MTREX: variants seen among roughly 807,000 people sequenced by gnomAD.
MTREX encodes exosome RNA helicase MTR4.
A neutral mutation model predicts 135.4 loss-of-function variants in MTREX; 76 were observed. The observed-to-expected ratio is 0.56, with a 90% CI of 0.47 to 0.68. The LOEUF is 0.68. Ranked by LOEUF, MTREX falls within the 30% of genes least tolerant of loss-of-function variation. The pLI is 0.00. For synonymous variants in MTREX, 404 were observed against 401.6 expected (o/e 1.01, Z -0.07); for missense variants, 920 against 1,262.1 (o/e 0.73, Z 4.11).
Position 55,422,863 on chromosome 5 carries a change from TC to T in MTREX, c.2972-13del, listed in dbSNP as rs1228458358. 3.7e-6 allele frequency: 6 copies of T among 1,602,676 alleles called. No individual in the cohort carries two copies. Among genetic ancestry groups the T allele is most frequent in the Non-Finnish European group, 5.1e-6 (6 of 1,174,468 alleles). On this transcript the variant is annotated splice_polypyrimidine_tract_variant and intron_variant, in intron 25 of 26. Coordinates refer to ENST00000230640, the MANE Select transcript of MTREX (RefSeq NM_015360.5). ...TATTTCCATTTTACCAGTGTTTTGT[TC>T]CTTTTCTATCCAGGCAGCATAATTC...
At chr5:55,337,305 T>A (rs186421427) in intron 5 of MTREX, among the ~76,000 whole-genome samples, 2 of 151,828 alleles carry the variant, frequency 1.3e-5, no homozygotes, top group Admixed American at 6.6e-5. Flanking sequence ...ATTTTATTTA[T>A]TTATTTATTT....
At chr5:55,338,225 G>A (rs1749585072) in intron 5 of MTREX, among the ~76,000 whole-genome samples, 1 of 152,068 alleles carries the variant, frequency 6.6e-6, no homozygotes, top group Admixed American at 6.5e-5. Context: ...TTCTTACAGA[G>A]TAGTTTTATT....
intron 1 of MTREX, among the ~76,000 whole-genome samples, chr5:55,316,477 A>G (rs1224309349): frequency 6.6e-6 from 1 of 152,190 alleles, no homozygotes; most frequent in Non-Finnish European, 1.5e-5. Context: ...GGTTGGTTCA[A>G]CATGCAAATA....
At position 55,366,697 on chromosome 5, in the gene MTREX, C is replaced by T. The variant is rs1325497694; in HGVS notation, c.1660-28C>T. ...TTGTGTAAATTTATTTGGAAAACTACAAAATTGACATTTTTTTTCTCTCTT... is the reference window on the plus strand; with the variant it reads ...TTGTGTAAATTTATTTGGAAAACTATAAAATTGACATTTTTTTTCTCTCTT... On this transcript the variant is annotated intron_variant, in intron 15 of 26. Coordinates refer to ENST00000230640, the MANE Select transcript of MTREX (RefSeq NM_015360.5). 6.7e-6 allele frequency: 10 copies of T among 1,496,878 alleles called. No individual in the cohort carries two copies. The African/African-American group carries it at 8.4e-5, about 13-fold the overall frequency. The allele number at this position is 1,496,878 out of a possible 1,614,324, so 92.7% of individuals were successfully genotyped here. A position where few individuals can be genotyped will look rare whatever the true frequency, so the allele number is the denominator to read the frequency against.
chr5:55,375,217 C>T (rs1443806466), intron 16 of MTREX, among the ~76,000 whole-genome samples: 1 of 152,158 alleles, frequency 6.6e-6, no homozygotes, highest in African/African-American at 2.4e-5. Flanking sequence ...TATCAGGAGA[C>T]AGGGTTTTGA....
intron 25 of MTREX, 85 bp from the exon 26 acceptor site, chr5:55,422,793 T>TA: frequency 1.0e-6 from 1 of 956,372 alleles, no homozygotes; most frequent in East Asian, 2.6e-5. Context: ...AATTATCGTG[T>TA]GTTCTCCTGC....
chr5:55,425,163 CTTTAGAAAACAGGCCAG>C lies in MTREX; in HGVS notation c.*392_*408del. On this transcript the variant is annotated 3_prime_UTR_variant, in exon 27 of 27. Transcript: ENST00000230640. ...CTCTTGCCTTGTGGCAATCATTTTC[CTTTAGAAAACAGGCCAG>C]CTTCACCTGGGCACCCTGCTGCCTT... 6.3e-7 allele frequency: 1 copy of C among 1,586,140 alleles called. No individual in the cohort carries two copies. Among genetic ancestry groups the C allele is most frequent in the Non-Finnish European group, 8.5e-7 (1 of 1,170,052 alleles).
intron 11 of MTREX, 49 bp downstream of exon 11, chr5:55,347,193 A>G (rs1749752763): frequency 1.3e-6 from 2 of 1,511,594 alleles, no homozygotes; most frequent in African/African-American, 2.8e-5. Flanking sequence ...AAATGAGCGT[A>G]AAATATATTT....
chr5:55,372,959 G>T (rs1250678822), intron 16 of MTREX, among the ~76,000 whole-genome samples: 1 of 143,708 alleles, frequency 7.0e-6, no homozygotes, highest in Non-Finnish European at 1.5e-5. Flanking sequence ...TATGGTTTTT[G>T]GCTTATAATT....
chr5:55,407,238 G>T (rs1009011090), intron 22 of MTREX, among the ~76,000 whole-genome samples: 9 of 152,150 alleles, frequency 5.9e-5, no homozygotes, highest in African/African-American at 1.9e-4. Flanking sequence ...AGACTGTGGT[G>T]AACAGGACAA....
intron 21 of MTREX, among the ~76,000 whole-genome samples, chr5:55,402,836 G>A (rs1270460555): frequency 1.1e-5 from 1 of 94,598 alleles, no homozygotes; most frequent in Non-Finnish European, 2.1e-5. Context: ...GTGTGTGTGT[G>A]TGTGTATGTG....
At chr5:55,412,728 C>T (rs230768) in intron 23 of MTREX, among the ~76,000 whole-genome samples, 132,727 of 152,208 alleles carry the variant, frequency 0.87, 58,102 homozygotes, top group South Asian at 0.92. Flanking sequence ...AACCTCCTCA[C>T]ATCAGGACTG....
At chr5:55,365,997 A>G (rs935214111) in intron 15 of MTREX, among the ~76,000 whole-genome samples, 2 of 152,138 alleles carry the variant, frequency 1.3e-5, no homozygotes, top group Admixed American at 6.5e-5. Flanking sequence ...TCTAAAAAAA[A>G]AAAAAAAAAC....
At chr5:55,317,038 C>T (rs1490900591) in intron 1 of MTREX, among the ~76,000 whole-genome samples, 1 of 151,560 alleles carries the variant, frequency 6.6e-6, no homozygotes, top group East Asian at 1.9e-4. Flanking sequence ...TGCCACACAC[C>T]TCCCCCCTCC....
chr5:55,416,502 G>T (rs1750968225), intron 25 of MTREX, among the ~76,000 whole-genome samples: 1 of 152,046 alleles, frequency 6.6e-6, no homozygotes, highest in Non-Finnish European at 1.5e-5. Flanking sequence ...AGCTGAAAAT[G>T]ATCAGTCATT....
chr5:55,340,022 A>G lies in MTREX; in HGVS notation c.528A>G (p.Ala176=), dbSNP rs1024992549. 4 of 1,538,200 alleles carry G rather than the reference A, an allele frequency of 2.6e-6. No homozygotes were observed. In the Admixed American group the frequency reaches 6.0e-5, roughly 23 times the overall value. Residue 176 remains alanine (A), a synonymous_variant, in exon 6 of 27, where the codon GCA becomes GCG. Coordinates refer to ENST00000230640, the MANE Select transcript of MTREX (RefSeq NM_015360.5). ...GKTVCAEYAI[A]LALREKQRVI... ...TTCACATTTGTAGGTATGCCATTGC[A>G]TTGGCCTTAAGGGAAAAGCAGCGTG...
intron 1 of MTREX, among the ~76,000 whole-genome samples, chr5:55,310,339 G>T (rs1352637851): frequency 6.6e-6 from 1 of 152,192 alleles, no homozygotes; most frequent in Admixed American, 6.5e-5. Flanking sequence ...GGCCGGGCGT[G>T]GTGGCTCACG....
At chr5:55,400,800 C>A (rs1304323016) in intron 21 of MTREX, among the ~76,000 whole-genome samples, 1 of 152,136 alleles carries the variant, frequency 6.6e-6, no homozygotes, top group African/African-American at 2.4e-5. Flanking sequence ...GAACTTTATA[C>A]CCATTAGCAG....
intron 5 of MTREX, among the ~76,000 whole-genome samples, chr5:55,335,813 A>G (rs1053556881): frequency 1.3e-5 from 2 of 152,146 alleles, no homozygotes; most frequent in East Asian, 1.9e-4. Flanking sequence ...TAATTTTGAT[A>G]GGGATTTTGT....
Sources: allele counts gnomAD v4.1 joint callset (sites outside exome capture counted in the v4.1 genomes callset), GRCh38; gene constraint gnomAD v4.1.1; transcripts MANE v1.5; gene names NCBI Gene and HGNC (gene_info 2026-07-23, HGNC 2026-07-21).